Variants in TMEM87A observed in about 807,000 individuals in gnomAD.
TMEM87A encodes the protein transmembrane protein 87A, also known as Golgi-pH regulating cation channel.
A neutral mutation model predicts 90.0 loss-of-function variants in TMEM87A; 50 were observed. The ratio of observed to expected loss-of-function variants is 0.56; its 90% CI spans 0.44 to 0.70. TMEM87A has a LOEUF of 0.70. Ranked by LOEUF, TMEM87A falls within the 30% of genes least tolerant of loss-of-function variation. TMEM87A has a pLI of 0.00. For missense variants in TMEM87A, 577 were observed against 660.5 expected, an observed-to-expected ratio of 0.87 and a Z score of 1.39; for synonymous variants, 226 against 226.7, an observed-to-expected ratio of 1.00 and a Z score of 0.03.
At chr15:42,262,238 C>T (rs1260748084) in intron 4 of TMEM87A, 1 of 152,194 alleles carries the variant, frequency 6.6e-6, no homozygotes, top group Non-Finnish European at 1.5e-5. Context: ...AACCAATCCT[C>T]CTAGTCTAAG....
At chr15:42,215,754 AG>A (rs2050373235) in intron 19 of TMEM87A, among the ~76,000 whole-genome samples, 1 of 152,200 alleles carries the variant, frequency 6.6e-6, no homozygotes, top group South Asian at 2.1e-4. Flanking sequence ...ATGTGGGCAA[AG>A]AAAGAAATTG....
chr15:42,244,029 TA>T lies in TMEM87A; in HGVS notation c.622+20del, dbSNP rs757320242. On this transcript the variant is annotated intron_variant, in intron 7 of 19. Coordinates refer to ENST00000389834, the MANE Select transcript of TMEM87A (RefSeq NM_015497.5). ...CATAACCAGATAATAACATAACCATTAAAAAAAAAACTGAACTTACTGGTAA... is the reference window on the plus strand; with the variant it reads ...CATAACCAGATAATAACATAACCATTAAAAAAAAACTGAACTTACTGGTAA... The T allele has an allele frequency of 7.3e-4, 909 of 1,249,242 alleles. No homozygotes were observed. The highest frequency in any genetic ancestry group is 1.2e-3 in the East Asian group (44 of 36,184). 77.4% of individuals were successfully genotyped at this position (1,249,242 alleles called of 1,614,324 possible).
intron 2 of TMEM87A, among the ~76,000 whole-genome samples, chr15:42,270,005 CA>C (rs1425722414): frequency 6.7e-6 from 1 of 149,030 alleles, no homozygotes; most frequent in Non-Finnish European, 1.5e-5. Context: ...TACCATCCCC[CA>C]AAAAGTACAA....
At chr15:42,235,455 C>T (rs924094124) in intron 10 of TMEM87A, among the ~76,000 whole-genome samples, 3 of 152,198 alleles carry the variant, frequency 2.0e-5, no homozygotes, top group Non-Finnish European at 4.4e-5. Context: ...CTTGCCCCTG[C>T]TCCACACTTA....
chr15:42,240,540 T>A, intron 7 of TMEM87A, among the ~76,000 whole-genome samples: 1 of 152,214 alleles, frequency 6.6e-6, no homozygotes, highest in East Asian at 1.9e-4. Flanking sequence ...AGTAATAACA[T>A]ATATCTGAAA....
chr15:42,270,135 C>T (rs375367560), intron 2 of TMEM87A, among the ~76,000 whole-genome samples: 29 of 152,046 alleles, frequency 1.9e-4, no homozygotes, highest in African/African-American at 7.0e-4. Flanking sequence ...TGTGGGAGGC[C>T]AAGGCAGGCA....
chr15:42,225,352 G>A (rs900696852), intron 15 of TMEM87A, among the ~76,000 whole-genome samples: 1 of 152,122 alleles, frequency 6.6e-6, no homozygotes, highest in East Asian at 1.9e-4. Flanking sequence ...GTTCCTAAAT[G>A]ACTGAAATTT....
At chr15:42,212,104 T>G (rs1001139652) in intron 19 of TMEM87A, among the ~76,000 whole-genome samples, 1 of 152,184 alleles carries the variant, frequency 6.6e-6, no homozygotes, top group African/African-American at 2.4e-5. Context: ...CAGTGAAGGA[T>G]GAGGGCAAAG....
chr15:42,244,200 T>A (rs1372132459), intron 6 of TMEM87A, 33 bp from the exon 7 acceptor site: 1 of 1,419,972 alleles, frequency 7.0e-7, no homozygotes, highest in African/African-American at 1.5e-5. Context: ...CATCTATAAA[T>A]CTTAAGAATT....
At chr15:42,262,752 T>A (rs1414172134) in intron 4 of TMEM87A, among the ~76,000 whole-genome samples, 2 of 152,230 alleles carry the variant, frequency 1.3e-5, no homozygotes, top group African/African-American at 4.8e-5. Flanking sequence ...TTCTTAATAA[T>A]AAACTTTACT....
At chr15:42,230,950 A>G (rs540869153) in intron 12 of TMEM87A, among the ~76,000 whole-genome samples, 1 of 152,170 alleles carries the variant, frequency 6.6e-6, no homozygotes, top group East Asian at 1.9e-4. Flanking sequence ...AAAAGCCAAA[A>G]GATTTTATCT....
chr15:42,272,221 A>T, intron 1 of TMEM87A, 98 bp from the exon 2 acceptor site: 1 of 819,256 alleles, frequency 1.2e-6, no homozygotes, highest in South Asian at 1.7e-5. Flanking sequence ...ACTTAACTTA[A>T]ATCTTTATGG....
chr15:42,269,413 G>A (rs2051468252), intron 2 of TMEM87A, among the ~76,000 whole-genome samples: 1 of 151,742 alleles, frequency 6.6e-6, no homozygotes, highest in Non-Finnish European at 1.5e-5. Flanking sequence ...ATTTTCAAAG[G>A]ACTCTATTAG....
chr15:42,225,260 A>G (rs1052146079), intron 15 of TMEM87A, among the ~76,000 whole-genome samples: 3 of 150,918 alleles, frequency 2.0e-5, no homozygotes, highest in African/African-American at 7.3e-5. Context: ...CTTTGGTGGT[A>G]TGGGTGTTTA....
intron 15 of TMEM87A, among the ~76,000 whole-genome samples, chr15:42,225,088 CTCTAT>C (rs1353572624): frequency 6.6e-6 from 1 of 152,158 alleles, no homozygotes; most frequent in African/African-American, 2.4e-5. Flanking sequence ...CATTACTTTT[CTCTAT>C]TCTGACTTTT....
chr15:42,255,894 C>A (rs2051170940), intron 6 of TMEM87A, among the ~76,000 whole-genome samples: 1 of 151,548 alleles, frequency 6.6e-6, no homozygotes, highest in Non-Finnish European at 1.5e-5. Context: ...CTCAGCCTCC[C>A]AAGTAGCTGG....
chr15:42,244,794 A>C lies in TMEM87A; in HGVS notation c.505-627T>G, dbSNP rs113658665. ...GACTCTTGCTTTTCACATAGACTAG[A>C]GTCTTCACAAACAGAAGACTAAGAC... On this transcript the variant is annotated intron_variant, in intron 6 of 19. Transcript: ENST00000389834. Among the ~76,000 whole-genome samples the C allele has an allele frequency of 7.9e-3, 1,168 of 148,190 alleles. 8 individuals carry two copies. Among genetic ancestry groups the C allele is most frequent in the Middle Eastern group, 0.04 (11 of 274 alleles).
chr15:42,222,381 G>A (rs1025840633), intron 15 of TMEM87A, among the ~76,000 whole-genome samples: 1 of 152,030 alleles, frequency 6.6e-6, no homozygotes, highest in Non-Finnish European at 1.5e-5. Flanking sequence ...AAAAGAGCCA[G>A]GTAGTATGCA....
intron 11 of TMEM87A, 22 bp from the exon 12 acceptor site, chr15:42,231,282 T>G (rs774722389): frequency 6.5e-7 from 1 of 1,547,028 alleles, no homozygotes; most frequent in African/African-American, 1.4e-5. Context: ...GAAAAAGAAG[T>G]GGTGAAAAAC....
Sources: gnomAD v4.1 joint callset for allele counts (sites outside exome capture counted in the v4.1 genomes callset) on GRCh38, gnomAD v4.1.1 for gene constraint, MANE v1.5 for transcripts, NCBI Gene and HGNC (gene_info 2026-07-23, HGNC 2026-07-21) for gene names.